The following DSCAM variants were observed in gnomAD, a reference collection of about 807,000 sequenced individuals.
The protein encoded by DSCAM is DS cell adhesion molecule, also known as cell adhesion molecule DSCAM.
Under a neutral mutation model 217.7 loss-of-function variants are expected in DSCAM, and 47 were observed. That is an observed-to-expected ratio of 0.22 (90% CI 0.17 to 0.28). The LOEUF (loss-of-function observed/expected upper bound fraction) is 0.28. Ranked by LOEUF, DSCAM falls within the 10% of genes least tolerant of loss-of-function variation. The pLI, the probability that DSCAM is intolerant of heterozygous loss-of-function variation, is 1.00. For missense variants in DSCAM, 2,080 were observed against 2,618.3 expected, an observed-to-expected ratio of 0.79 and a Z score of 4.49; for synonymous variants, 1,056 against 1,015.3, an observed-to-expected ratio of 1.04 and a Z score of -0.76.
intron 21 of DSCAM, among the ~76,000 whole-genome samples, chr21:40,089,753 C>T (rs532653668): frequency 3.3e-5 from 5 of 152,198 alleles, no homozygotes; most frequent in African/African-American, 9.6e-5. Flanking sequence ...GGGGGCTGCC[C>T]AACTGACTGT....
intron 3 of DSCAM, among the ~76,000 whole-genome samples, chr21:40,633,707 G>A (rs932621814): frequency 3.3e-5 from 5 of 152,204 alleles, no homozygotes; most frequent in South Asian, 4.1e-4. Context: ...ATGGGCCTCC[G>A]TCAGGACTGT....
intron 8 of DSCAM, among the ~76,000 whole-genome samples, chr21:40,320,005 C>G (rs2074242624): frequency 6.6e-6 from 1 of 152,072 alleles, no homozygotes; most frequent in South Asian, 2.1e-4. Flanking sequence ...ACAATGAGAA[C>G]TCATGGACAC....
chr21:40,264,865 T>A (rs2073502299), intron 11 of DSCAM, among the ~76,000 whole-genome samples: 1 of 152,270 alleles, frequency 6.6e-6, no homozygotes, highest in East Asian at 1.9e-4. Context: ...CACAAATCAG[T>A]AGCACTGCTA....
chr21:40,106,510 C>T (rs1327941256), intron 20 of DSCAM, among the ~76,000 whole-genome samples: 1 of 152,124 alleles, frequency 6.6e-6, no homozygotes, highest in Admixed American at 6.5e-5. Context: ...GGAGTCCCCC[C>T]TCCTAGATTT....
chr21:40,566,935 A>G (rs564636326), intron 3 of DSCAM, among the ~76,000 whole-genome samples: 8 of 152,140 alleles, frequency 5.3e-5, no homozygotes, highest in Non-Finnish European at 8.8e-5. Context: ...GTTGAAGATG[A>G]CCCAAGTCCG....
chr21:40,156,381 G>A (rs570334498), intron 16 of DSCAM, among the ~76,000 whole-genome samples: 10 of 150,458 alleles, frequency 6.6e-5, no homozygotes, highest in East Asian at 4.0e-4. Context: ...GTCACACGCC[G>A]GGTTGTTGCA....
At chr21:40,342,401 C>T (rs140190067) in intron 6 of DSCAM, among the ~76,000 whole-genome samples, 1,846 of 151,730 alleles carry the variant, frequency 0.012, 19 homozygotes, top group Middle Eastern at 0.031. Flanking sequence ...CCTAAGAAAT[C>T]GTCACCTATT....
chr21:40,274,242 C>G (rs1279530306), intron 11 of DSCAM, among the ~76,000 whole-genome samples: 1 of 152,192 alleles, frequency 6.6e-6, no homozygotes, highest in African/African-American at 2.4e-5. Flanking sequence ...ATCGTCCATT[C>G]TTGAAGCCTA....
At chr21:40,167,091 T>A in intron 16 of DSCAM, 127 bp downstream of exon 16, 1 of 786,908 alleles carries the variant, frequency 1.3e-6, no homozygotes, top group Non-Finnish European at 2.0e-6. Context: ...AAAAGGGCTT[T>A]CAACTTAATT....
At chr21:40,122,409 T>C (rs1048838099) in intron 20 of DSCAM, among the ~76,000 whole-genome samples, 4 of 152,204 alleles carry the variant, frequency 2.6e-5, no homozygotes, top group African/African-American at 7.2e-5. Context: ...GTGAATCCCA[T>C]AGCAAAGAGA....
chr21:40,762,269 A>G (rs1011025327), intron 1 of DSCAM, among the ~76,000 whole-genome samples: 9 of 152,218 alleles, frequency 5.9e-5, no homozygotes. Flanking sequence ...TAAAAAAATG[A>G]TAAAGGGGAT....
chr21:40,418,358 C>T (rs992720713), intron 3 of DSCAM, among the ~76,000 whole-genome samples: 1 of 152,030 alleles, frequency 6.6e-6, no homozygotes, highest in African/African-American at 2.4e-5. Context: ...TTTGACCAAC[C>T]AATAAGTTTT....
intron 3 of DSCAM, among the ~76,000 whole-genome samples, chr21:40,380,789 C>A (rs1351234719): frequency 2.6e-5 from 4 of 152,272 alleles, no homozygotes; most frequent in South Asian, 2.1e-4. Flanking sequence ...TGAGGCCGGG[C>A]GCGGTGGCTC....
At chr21:40,090,251 T>C (rs1357594700) in intron 21 of DSCAM, among the ~76,000 whole-genome samples, 1 of 152,184 alleles carries the variant, frequency 6.6e-6, no homozygotes, top group Admixed American at 6.5e-5. Flanking sequence ...CATGCTCTGA[T>C]GGCAGGCCTC....
rs569191459 is a variant in DSCAM, at chr21:40,635,126, C to CA, written c.508+57683dup. 8.2e-4 allele frequency among the ~76,000 whole-genome samples: 125 copies of CA among 152,114 alleles called. 2 individuals are homozygous for CA. In the South Asian group the frequency reaches 0.022, roughly 26 times the overall value. On this transcript the variant is annotated intron_variant, in intron 3 of 32. Transcript: ENST00000400454. ...GGGAACAGCCTGTAGAGAGGTAGGT[C>CA]ACCATTCAAGGAAGAAGGGACACAG...
intron 1 of DSCAM, among the ~76,000 whole-genome samples, chr21:40,720,134 GGT>G (rs1255716847): frequency 2.0e-5 from 3 of 152,082 alleles, no homozygotes; most frequent in Non-Finnish European, 4.4e-5. Context: ...TTGCAAATTG[GGT>G]ACATTAATTT....
chr21:40,354,999 AGTG>A (rs1569081262), intron 4 of DSCAM, among the ~76,000 whole-genome samples: 1 of 152,180 alleles, frequency 6.6e-6, no homozygotes, highest in Non-Finnish European at 1.5e-5. Context: ...TTGATCCCTC[AGTG>A]TAGACCAGCA....
intron 1 of DSCAM, among the ~76,000 whole-genome samples, chr21:40,736,808 A>AC (rs1398114559): frequency 6.6e-6 from 1 of 151,518 alleles, no homozygotes; most frequent in African/African-American, 2.5e-5. Context: ...TAAATAGCAT[A>AC]GGGTTTTTTT....
chr21:40,332,698 A>C (rs963423463), intron 8 of DSCAM, among the ~76,000 whole-genome samples: 2 of 152,186 alleles, frequency 1.3e-5, no homozygotes, highest in Admixed American at 6.5e-5. Flanking sequence ...ACTTCTGCCT[A>C]TATGTTTGAA....
Sources: allele counts gnomAD v4.1 joint callset (sites outside exome capture counted in the v4.1 genomes callset), GRCh38; gene constraint gnomAD v4.1.1; transcripts MANE v1.5; gene names NCBI Gene and HGNC (gene_info 2026-07-23, HGNC 2026-07-21).